Variants in APBB1 observed in about 807,000 individuals in gnomAD.
APBB1 encodes amyloid beta precursor protein binding family B member 1, also known as adaptor protein FE65a2.
A neutral mutation model predicts 78.4 loss-of-function variants in APBB1; 22 were observed. The ratio of observed to expected loss-of-function variants is 0.28; its 90% confidence interval spans 0.20 to 0.40. APBB1 has a LOEUF of 0.40. Among genes scored for constraint, APBB1 ranks in the 10% least tolerant of loss-of-function variants. APBB1 has a pLI of 1.00. For missense variants in APBB1, 749 were observed against 932.4 expected (o/e 0.80, Z 2.56); for synonymous variants, 369 against 372.7 (o/e 0.99, Z 0.12).
intron 2 of APBB1, chr11:6,404,826 A>G: frequency 6.5e-7 from 1 of 1,533,178 alleles, no homozygotes; most frequent in Non-Finnish European, 8.7e-7. Flanking sequence ...TCCTGCCTCC[A>G]CCCTCCCTCC....
chr11:6,403,055 T>A lies in APBB1; in HGVS notation c.1104+90A>T. ...ACTCCTAACTCAGGACCTGGGGAAC[T>A]GCGCTGAGACCCCTCAGAGCACAAC... On this transcript the variant is annotated intron_variant, in intron 6 of 14. Coordinates refer to ENST00000609360, the MANE Select transcript of APBB1 (RefSeq NM_001164.5). The surrounding 1 kb of genome is among the most constrained non-coding windows in gnomAD (Gnocchi z 5.3). The A allele has an allele frequency of 7.8e-7, 1 of 1,279,112 alleles. No homozygotes were observed. Among genetic ancestry groups the A allele is most frequent in the Non-Finnish European group, 1.1e-6 (1 of 915,162 alleles). The allele number at this position is 1,279,112 out of a possible 1,614,324, so 79.2% of individuals were successfully genotyped here.
intron 12 of APBB1, among the ~76,000 whole-genome samples, chr11:6,399,161 T>G (rs1304670266): frequency 6.6e-6 from 1 of 152,148 alleles, no homozygotes; most frequent in Non-Finnish European, 1.5e-5. Flanking sequence ...CCTTCTCACT[T>G]CAGGATGCCC....
In APBB1 at chr11:6,404,716, A is replaced by G. The variant is rs941754900; in HGVS notation, c.722-894T>C. 3.3e-6 allele frequency: 5 copies of G among 1,535,828 alleles called. No individual in the cohort carries two copies. In the African/African-American group the frequency reaches 4.1e-5, roughly 13 times the overall value. On this transcript the variant is annotated intron_variant, in intron 2 of 14. Transcript: ENST00000609360. The stretch of plus-strand genomic sequence containing the variant: ...TCTCTCCCTGTCAGCCCCACCCCAC[A>G]TGAGGCCCAACCTCATGCTGCCCCT...
At chr11:6,400,519 C>T (rs1848447339) in intron 12 of APBB1, among the ~76,000 whole-genome samples, 3 of 145,878 alleles carry the variant, frequency 2.1e-5, no homozygotes, top group East Asian at 2.0e-4. Context: ...TCCAGCCTGG[C>T]GGACAGAGCG....
intron 12 of APBB1, among the ~76,000 whole-genome samples, chr11:6,398,186 C>T (rs1358211169): frequency 6.6e-6 from 1 of 152,084 alleles, no homozygotes; most frequent in Non-Finnish European, 1.5e-5. Context: ...TCCAGCCCCA[C>T]ATGCAATCCC....
At chr11:6,396,006 CTG>C (rs1848196822) in intron 13 of APBB1, 44 bp from the exon 14 acceptor site, 1 of 1,605,030 alleles carries the variant, frequency 6.2e-7, no homozygotes, top group Non-Finnish European at 8.5e-7. Flanking sequence ...CAACCCCACA[CTG>C]TGTTCCACAT....
chr11:6,412,650 T>C (rs536804067), intron 1 of APBB1, among the ~76,000 whole-genome samples: 2 of 152,344 alleles, frequency 1.3e-5, no homozygotes, highest in Non-Finnish European at 2.9e-5. Flanking sequence ...ATAATTTCCA[T>C]GTTGGTGAGG....
chr11:6,402,555 A>T (rs778493598), intron 7 of APBB1, 21 bp downstream of exon 7: 2 of 1,608,800 alleles, frequency 1.2e-6, no homozygotes, highest in South Asian at 2.2e-5. Flanking sequence ...ACCACCCCCT[A>T]CCCCCGGCTC....
intron 2 of APBB1, chr11:6,404,801 C>G (rs1156875187): frequency 6.5e-7 from 1 of 1,536,252 alleles, no homozygotes; most frequent in Admixed American, 2.0e-5. Context: ...GAACATGGCG[C>G]TCATTCCCGG....
Position 6,403,450 on chromosome 11 carries a change from T to A in APBB1, c.954+38A>T, listed in dbSNP as rs1848638966. 5.6e-6 allele frequency: 9 copies of A among 1,614,142 alleles called. No homozygotes were observed. Among genetic ancestry groups the A allele is most frequent in the Non-Finnish European group, 7.6e-6 (9 of 1,179,978 alleles). On this transcript the variant is annotated intron_variant, in intron 4 of 14. Transcript: ENST00000609360. The surrounding 1 kb of genome is among the most constrained non-coding windows in gnomAD (Gnocchi z 5.3). The stretch of plus-strand genomic sequence containing the variant: ...ATCAGTATCAAAATGATGCCCCTCC[T>A]CCAGCTATCCCGTGGTAAAGCAGGT...
At chr11:6,419,216 A>T (rs67622999), upstream of APBB1, 1 of 302,228 alleles carries the variant, frequency 3.3e-6, no homozygotes, top group Admixed American at 5.1e-5. Flanking sequence ...TGGGGGCCTC[A>T]CCCTGCGGGC....
rs934214969 is a variant in APBB1, at chr11:6,411,742, G to T, written c.-14-381C>A. Among the ~76,000 whole-genome samples, 1 of 152,088 alleles carries T rather than the reference G, an allele frequency of 6.6e-6. No homozygotes were observed. Among genetic ancestry groups the T allele is most frequent in the Non-Finnish European group, 1.5e-5 (1 of 67,978 alleles). On this transcript the variant is annotated intron_variant, in intron 1 of 14. Coordinates refer to ENST00000609360, the MANE Select transcript of APBB1 (RefSeq NM_001164.5). This position sits in a 1 kb window ranked among gnomAD's most constrained non-coding sequence, Gnocchi z 5.2. ...AACACCACTAGAGTGGGACCGGCTC[G>T]TGTGTTTTGGACACTGATCACTGAC...
At chr11:6,407,773 A>ATTT (rs34560475) in intron 2 of APBB1, among the ~76,000 whole-genome samples, 3,390 of 137,690 alleles carry the variant, frequency 0.025, 73 homozygotes, top group Non-Finnish European at 0.035. Flanking sequence ...TAGTAGAAGT[A>ATTT]TTTTTTTTTT....
rs768829390 is a variant in APBB1 at position 6,403,813 on chromosome 11, C to G, written c.731G>C (p.Trp244Ser). 1.3e-6 allele frequency: 2 copies of G among 1,545,424 alleles called. No homozygotes were observed. Among genetic ancestry groups the G allele is most frequent in the Non-Finnish European group, 1.7e-6 (2 of 1,144,742 alleles). The change falls in exon 3 of 15, where the codon TGG (tryptophan) becomes TCG (serine). Residue 244 changes from tryptophan (W) to serine (S), a missense_variant. By Grantham distance (177) the Trp-to-Ser change is radical. Around this residue, in one of 3 missense-constraint regions of APBB1, gnomAD observed 635 missense variants for 765.0 expected, o/e 0.83. Coordinates refer to ENST00000609360, the MANE Select transcript of APBB1 (RefSeq NM_001164.5). This position sits in a 1 kb window ranked among gnomAD's most constrained non-coding sequence, Gnocchi z 5.3. ...ATCCGTCTCGAAGGCGTTGGGGTTC[C>G]AGAAGGAATCTGCCAGGTGGGAGGC... is the stretch of plus-strand genomic sequence containing the variant. ...YGSPEDTDSF[W>S]NPNAFETDSD...
At chr11:6,407,752 G>A (rs972797367) in intron 2 of APBB1, among the ~76,000 whole-genome samples, 2 of 151,578 alleles carry the variant, frequency 1.3e-5, no homozygotes, top group African/African-American at 4.9e-5. Context: ...GAGGCAATCA[G>A]ACTTTGCCTT....
intron 1 of APBB1, among the ~76,000 whole-genome samples, chr11:6,413,278 A>G (rs1328767125): frequency 1.3e-5 from 2 of 151,942 alleles, no homozygotes; most frequent in African/African-American, 4.8e-5. Flanking sequence ...CCTTCCCCCA[A>G]CAGACAATTC....
chr11:6,414,112 A>T (rs905482236), intron 1 of APBB1, among the ~76,000 whole-genome samples: 2 of 151,954 alleles, frequency 1.3e-5, no homozygotes, highest in African/African-American at 4.8e-5. Context: ...CGGCCTCTAT[A>T]ACCTGTCAGT....
chr11:6,410,444 C>T (rs1206982742), intron 2 of APBB1, among the ~76,000 whole-genome samples, 183 bp downstream of exon 2: 1 of 152,202 alleles, frequency 6.6e-6, no homozygotes, highest in East Asian at 1.9e-4. Flanking sequence ...TCCGGGCATG[C>T]ATGATGGTCA....
chr11:6,416,585 A>G (rs951683406), intron 1 of APBB1, among the ~76,000 whole-genome samples: 1 of 152,184 alleles, frequency 6.6e-6, no homozygotes, highest in Admixed American at 6.5e-5. Context: ...TATTCTGTGA[A>G]TCTGAAGTAG....
Sources: allele counts gnomAD v4.1 joint callset (sites outside exome capture counted in the v4.1 genomes callset), GRCh38; gene constraint gnomAD v4.1.1; regional missense constraint gnomAD v4.1.1; non-coding constraint Gnocchi (gnomAD v3.1); transcripts MANE v1.5; gene names NCBI Gene and HGNC (gene_info 2026-07-23, HGNC 2026-07-21).